Variants in LMO2 observed in about 807,000 individuals in gnomAD.
LMO2 encodes the protein rhombotin-2.
Under a neutral mutation model 23.2 loss-of-function variants are expected in LMO2, and 20 were observed. That is an observed-to-expected ratio of 0.86 (90% CI 0.61 to 1.25). The LOEUF (loss-of-function observed/expected upper bound fraction) is 1.25, where lower values mean the gene tolerates loss of function less well. Ranked by LOEUF, LMO2 falls within the 50% of genes most tolerant of loss-of-function variation. The probability of loss-of-function intolerance (pLI) is 0.00; values close to 1 mark genes in which losing one functional copy is unlikely to be tolerated. For missense variants in LMO2, 270 were observed against 315.3 expected, an observed-to-expected ratio of 0.86 and a Z score of 1.09; for synonymous variants, 123 against 130.2, an observed-to-expected ratio of 0.94 and a Z score of 0.38.
rs373194708 is a variant in LMO2 at position 33,864,867 on chromosome 11, C to T, written c.249-50G>A. On this transcript the variant is annotated intron_variant, in intron 4 of 5. Transcript: ENST00000257818. The surrounding 1 kb of genome is among the most constrained non-coding windows in gnomAD (Gnocchi z 4.8). ...GACAGCCTCACCAGAGTGAGACCAGCACCGAGGGTCCGAGATCGTTTTGGG... is the reference window on the plus strand; with the variant it reads ...GACAGCCTCACCAGAGTGAGACCAGTACCGAGGGTCCGAGATCGTTTTGGG... 1 of 1,554,666 alleles carries T rather than the reference C, an allele frequency of 6.4e-7. No individual in the cohort carries two copies. Among genetic ancestry groups the T allele is most frequent in the Non-Finnish European group, 8.8e-7 (1 of 1,131,946 alleles).
rs1255223263 is a variant in LMO2 at position 33,869,874 on chromosome 11, G to T, written c.-158C>A. The T allele has an allele frequency of 1.3e-4, 142 of 1,052,536 alleles. 1 individual carries two copies. In the East Asian group the frequency reaches 7.8e-3, roughly 58 times the overall value. 65.2% of individuals were successfully genotyped at this position (1,052,536 alleles called of 1,614,324 possible). ...GCTCGCCGCCGAGGGCAGAGAGGGG[G>T]CGGCGGCCTAGGGGCGGGGAGGGGA... On this transcript the variant is annotated 5_prime_UTR_variant, in exon 3 of 6. Transcript: ENST00000257818.
intron 2 of LMO2, among the ~76,000 whole-genome samples, chr11:33,878,433 C>T (rs1857188600): frequency 6.6e-6 from 1 of 152,186 alleles, no homozygotes; most frequent in African/African-American, 2.4e-5. Context: ...CTCTGCTTTA[C>T]AACTTACTAT....
intron 2 of LMO2, among the ~76,000 whole-genome samples, chr11:33,874,607 C>T (rs774386330): frequency 2.7e-4 from 41 of 152,242 alleles, no homozygotes; most frequent in Non-Finnish European, 5.4e-4. Context: ...GTAATCACCA[C>T]TGTATCAGGA....
At chr11:33,884,122 A>T (rs1328792689) in intron 1 of LMO2, among the ~76,000 whole-genome samples, 1 of 152,164 alleles carries the variant, frequency 6.6e-6, no homozygotes, top group African/African-American at 2.4e-5. Flanking sequence ...TGTATTACTT[A>T]TGCAGGCATA....
chr11:33,869,914 C>G lies in LMO2; in HGVS notation c.-198G>C. 1 of 1,051,098 alleles carries G rather than the reference C, an allele frequency of 9.5e-7. No individual in the cohort carries two copies. The highest frequency in any genetic ancestry group is 1.7e-5 in the African/African-American group (1 of 59,074). The allele number at this position is 1,051,098 out of a possible 1,614,324, so 65.1% of individuals were successfully genotyped here. On this transcript the variant is annotated 5_prime_UTR_variant, in exon 3 of 6. Coordinates refer to ENST00000257818, the MANE Select transcript of LMO2 (RefSeq NM_005574.4). ...CGGGGAGGGGACCGTGCGTCTCTCT[C>G]CGGGCTTCCTCCTCTCTCGGGAAGG... is the stretch of plus-strand genomic sequence containing the variant.
At position 33,873,806 on chromosome 11, in the gene LMO2, C is replaced by T. The variant is rs549208814; in HGVS notation, c.-271-3819G>A. Among the ~76,000 whole-genome samples the T allele has an allele frequency of 3.3e-5, 5 of 150,898 alleles. No homozygotes were observed. In the East Asian group the frequency reaches 7.8e-4, roughly 24 times the overall value. ...CTGACCCCAGATGGATCATTTTTTT[C>T]CCCTGTGGGCATTTTCTATCCTTTT... On this transcript the variant is annotated intron_variant, in intron 2 of 5. Transcript: ENST00000257818.
chr11:33,875,924 C>T (rs1375953030), intron 2 of LMO2, among the ~76,000 whole-genome samples: 2 of 152,214 alleles, frequency 1.3e-5, no homozygotes, highest in African/African-American at 4.8e-5. Flanking sequence ...TCACTGTGGC[C>T]TGGAAGGCCC....
In LMO2 at chr11:33,864,952, A is replaced by T; in HGVS notation, c.249-135T>A. Reference sequence around the variant, plus strand: ...GACCTAAGGGAGAAGGGACAGGACAACACATCCCTTGGCCAGACTGCAGAG... The same window carrying T: ...GACCTAAGGGAGAAGGGACAGGACATCACATCCCTTGGCCAGACTGCAGAG... On this transcript the variant is annotated intron_variant, in intron 4 of 5. Coordinates refer to ENST00000257818, the MANE Select transcript of LMO2 (RefSeq NM_005574.4). This position sits in a 1 kb window ranked among gnomAD's most constrained non-coding sequence, Gnocchi z 4.8. 1 of 785,450 alleles carries T rather than the reference A, an allele frequency of 1.3e-6. No individual in the cohort carries two copies. The highest frequency in any genetic ancestry group is 2.2e-6 in the Non-Finnish European group (1 of 463,046). The allele number at this position is 785,450 out of a possible 1,614,324, so 48.7% of individuals were successfully genotyped here.
chr11:33,869,420 C>T lies in LMO2; in HGVS notation c.174G>A (p.Ala58=). ...GAGGCGGGGTGCCGGGCGGCGGGGG[C>T]GCTCCCTTTGTGGCGCGGGGCTGGC... ...AAGQPRATKG[A]PPPPGTPPPS... is the part of the protein sequence containing the mutation. The change falls in exon 4 of 6, where the codon GCG becomes GCA. Residue 58 remains alanine, a synonymous_variant. Coordinates refer to ENST00000257818, the MANE Select transcript of LMO2 (RefSeq NM_005574.4). 8.3e-7 allele frequency: 1 copy of T among 1,198,802 alleles called. No individual in the cohort carries two copies. The allele number at this position is 1,198,802 out of a possible 1,614,324, so 74.3% of individuals were successfully genotyped here. A position where few individuals can be genotyped will look rare whatever the true frequency, so the allele number is the denominator to read the frequency against.
At chr11:33,874,897 C>T (rs1355520154) in intron 2 of LMO2, among the ~76,000 whole-genome samples, 4 of 152,238 alleles carry the variant, frequency 2.6e-5, no homozygotes, top group Non-Finnish European at 5.9e-5. Flanking sequence ...AAACAAAGCA[C>T]TGAAGGAGCC....
chr11:33,879,381 A>G (rs2133709731), intron 2 of LMO2, among the ~76,000 whole-genome samples: 1 of 150,426 alleles, frequency 6.6e-6, no homozygotes. Flanking sequence ...GCACTTTGGG[A>G]GGCTGAGGTG....
At chr11:33,887,134 T>C (rs80165463) in intron 1 of LMO2, among the ~76,000 whole-genome samples, 1,785 of 152,368 alleles carry the variant, frequency 0.012, 19 homozygotes, top group Non-Finnish European at 0.017. Context: ...CATTTTATTA[T>C]GGATGAGGGG....
At chr11:33,881,476 G>C in intron 2 of LMO2, 1 of 443,274 alleles carries the variant, frequency 2.3e-6, no homozygotes, top group South Asian at 1.6e-5. Flanking sequence ...TTGTGACTTG[G>C]GTTGGGAGAC....
intron 5 of LMO2, among the ~76,000 whole-genome samples, chr11:33,862,731 T>C (rs1248682694): frequency 6.6e-6 from 1 of 152,192 alleles, no homozygotes; most frequent in Non-Finnish European, 1.5e-5. Flanking sequence ...GGACCATCCC[T>C]GACGCAAAAG....
chr11:33,862,755 T>C (rs1337546296), intron 5 of LMO2, among the ~76,000 whole-genome samples: 7 of 152,200 alleles, frequency 4.6e-5, no homozygotes, highest in Admixed American at 3.9e-4. Context: ...ATTTTTCTCC[T>C]CTGTCAAGAG....
rs2133680372 is a variant in LMO2, at chr11:33,858,603, G to A, written c.*753C>T. On this transcript the variant is annotated 3_prime_UTR_variant, in exon 6 of 6. Transcript: ENST00000257818. ...TCAGTCTGTCATTTTTATTAAGCCT[G>A]CAGAGCTGTTTTTTTTTCTACACAC... is the stretch of plus-strand genomic sequence containing the variant. The A allele has an allele frequency of 8.8e-6, 1 of 113,902 alleles. No individual in the cohort carries two copies. Among genetic ancestry groups the A allele is most frequent in the East Asian group, 1.1e-4 (1 of 8,970 alleles). 7.1% of individuals were successfully genotyped at this position (113,902 alleles called of 1,614,324 possible).
At chr11:33,888,657 TC>T (rs1018873805) in intron 1 of LMO2, among the ~76,000 whole-genome samples, 1 of 152,224 alleles carries the variant, frequency 6.6e-6, no homozygotes, top group African/African-American at 2.4e-5. Flanking sequence ...CATTCCATTT[TC>T]CCTCACTCTG....
chr11:33,877,593 T>G (rs927071896), intron 2 of LMO2, among the ~76,000 whole-genome samples: 3 of 151,142 alleles, frequency 2.0e-5, no homozygotes, highest in African/African-American at 7.3e-5. Flanking sequence ...GCCTCCTGAG[T>G]AGCTGGGACT....
intron 2 of LMO2, chr11:33,881,065 C>T: frequency 2.5e-6 from 1 of 399,188 alleles, no homozygotes; most frequent in Non-Finnish European, 4.9e-6. Context: ...TCTGAGAATC[C>T]CATACTTAGA....
Sources: gnomAD v4.1 joint callset for allele counts (sites outside exome capture counted in the v4.1 genomes callset) on GRCh38, gnomAD v4.1.1 for gene constraint, Gnocchi (gnomAD v3.1) non-coding constraint, MANE v1.5 for transcripts, NCBI Gene and HGNC (gene_info 2026-07-23, HGNC 2026-07-21) for gene names.